ELAVL2: variants seen among roughly 807,000 people sequenced by gnomAD.
The protein encoded by ELAVL2 is ELAV-like protein 2.
A neutral mutation model predicts 34.6 loss-of-function variants in ELAVL2; 4 were observed. That is an observed-to-expected ratio of 0.12 (90% confidence interval 0.06 to 0.26). The LOEUF is 0.26. Ranked by LOEUF, ELAVL2 falls within the 10% of genes least tolerant of loss-of-function variation. The pLI, the probability that ELAVL2 is intolerant of heterozygous loss-of-function variation, is 1.00. For missense variants in ELAVL2, 432 were observed against 442.8 expected (o/e 0.98, Z 0.22); for synonymous variants, 193 against 154.8 (o/e 1.25, Z -1.83).
intron 1 of ELAVL2, among the ~76,000 whole-genome samples, chr9:23,803,321 G>C (rs1465753059): frequency 6.6e-6 from 1 of 152,164 alleles, no homozygotes; most frequent in African/African-American, 2.4e-5. Context: ...GCTTTATAAA[G>C]CATAACAAGC....
intron 2 of ELAVL2, among the ~76,000 whole-genome samples, chr9:23,743,945 T>A (rs2135314045): frequency 6.6e-6 from 1 of 152,342 alleles, no homozygotes; most frequent in East Asian, 1.9e-4. Context: ...AAGTAACTTC[T>A]ATACACAGAG....
rs574488499 is a variant in ELAVL2 at position 23,759,327 on chromosome 9, C to A, written c.229+2679G>T. On this transcript the variant is annotated intron_variant, in intron 2 of 6. Coordinates refer to ENST00000397312, the MANE Select transcript of ELAVL2 (RefSeq NM_004432.5). ...TGAGGTGAGACAGCCAAATACCACA[C>A]GATCTCATAGGTAGAATCGAAAAAT... is the stretch of plus-strand genomic sequence containing the variant. 2.6e-5 allele frequency among the ~76,000 whole-genome samples: 4 copies of A among 151,942 alleles called. No individual in the cohort carries two copies. In the South Asian group the frequency reaches 6.2e-4, roughly 24 times the overall value.
intron 2 of ELAVL2, among the ~76,000 whole-genome samples, chr9:23,750,550 T>G (rs2051692481): frequency 6.6e-6 from 1 of 151,998 alleles, no homozygotes; most frequent in South Asian, 2.1e-4. Flanking sequence ...AATGGCAAAA[T>G]CACTTGGCAC....
intron 5 of ELAVL2, among the ~76,000 whole-genome samples, chr9:23,694,014 G>C (rs938713816): frequency 6.6e-6 from 1 of 152,040 alleles, no homozygotes; most frequent in African/African-American, 2.4e-5. Flanking sequence ...TCATCTTTTA[G>C]AATCAAGGAG....
At chr9:23,783,481 C>T (rs1005539710) in intron 1 of ELAVL2, 30 of 985,244 alleles carry the variant, frequency 3.0e-5, no homozygotes, top group Admixed American at 6.2e-5. Context: ...CTGAAAACAA[C>T]GAGGTTCATT....
At chr9:23,843,696 C>T in the ELAVL2 span, among the ~76,000 whole-genome samples, 16 of 152,152 alleles carry the variant, frequency 1.1e-4, no homozygotes, top group African/African-American at 3.9e-4. Context: ...GCCCAGATCA[C>T]AGGCAATCTC....
chr9:23,771,589 A>C (rs1275657987), intron 1 of ELAVL2, among the ~76,000 whole-genome samples: 1 of 152,152 alleles, frequency 6.6e-6, no homozygotes, highest in Non-Finnish European at 1.5e-5. Context: ...CAACTGATTC[A>C]TTTAGGAGCA....
chr9:23,738,923 T>G (rs2048503553), intron 2 of ELAVL2, among the ~76,000 whole-genome samples: 1 of 152,116 alleles, frequency 6.6e-6, no homozygotes, highest in African/African-American at 2.4e-5. Flanking sequence ...TCCCAGTAAT[T>G]ATGAATCTGC....
intron 1 of ELAVL2, among the ~76,000 whole-genome samples, chr9:23,788,966 G>A (rs937064203): frequency 1.1e-4 from 16 of 152,130 alleles, no homozygotes; most frequent in African/African-American, 3.1e-4. Context: ...TGCAGGTAAC[G>A]GAAATCATGG....
At chr9:23,814,343 T>C (rs576510554) in intron 1 of ELAVL2, among the ~76,000 whole-genome samples, 3 of 151,934 alleles carry the variant, frequency 2.0e-5, no homozygotes, top group East Asian at 1.9e-4. Flanking sequence ...AGTGAGCAGG[T>C]TGCACCTGAC....
intron 2 of ELAVL2, among the ~76,000 whole-genome samples, chr9:23,756,928 C>T (rs1410609863): frequency 6.6e-6 from 1 of 152,092 alleles, no homozygotes; most frequent in East Asian, 1.9e-4. Context: ...ATTTCTAGCA[C>T]TCATTACAAG....
At chr9:23,777,203 C>G (rs559552552) in intron 1 of ELAVL2, among the ~76,000 whole-genome samples, 2 of 152,288 alleles carry the variant, frequency 1.3e-5, no homozygotes, top group African/African-American at 2.4e-5. Flanking sequence ...TCTTTCAGAT[C>G]GAGCTAAAAA....
At chr9:23,702,975 A>AAAAAAAAAAAAAAAC (rs1563957664) in intron 4 of ELAVL2, among the ~76,000 whole-genome samples, 1 of 140,312 alleles carries the variant, frequency 7.1e-6, no homozygotes, top group Non-Finnish European at 1.6e-5. Flanking sequence ...AAAAAAAAAA[A>AAAAAAAAAAAAAAAC]AAAAAACAGC....
chr9:23,741,163 CA>C (rs1415092104), intron 2 of ELAVL2, among the ~76,000 whole-genome samples: 1 of 152,030 alleles, frequency 6.6e-6, no homozygotes, highest in Non-Finnish European at 1.5e-5. Context: ...TGTTTCCTGA[CA>C]AACAAATTAA....
the ELAVL2 span, among the ~76,000 whole-genome samples, chr9:23,848,942 G>A: frequency 6.6e-6 from 1 of 152,134 alleles, no homozygotes. Flanking sequence ...AACAGCCCTG[G>A]ATAAGCTAAA....
intron 3 of ELAVL2, among the ~76,000 whole-genome samples, chr9:23,708,695 T>C (rs2040088115): frequency 6.6e-6 from 1 of 152,196 alleles, no homozygotes; most frequent in Admixed American, 6.5e-5. Flanking sequence ...CAGGCTGGAG[T>C]GCAGTGGGTG....
intron 1 of ELAVL2, among the ~76,000 whole-genome samples, chr9:23,795,934 G>A (rs778843596): frequency 1.3e-5 from 2 of 152,062 alleles, no homozygotes; most frequent in Admixed American, 6.5e-5. Context: ...CTTACAAACC[G>A]GGGGAAAAAT....
chr9:23,800,071 T>C (rs1226193959), intron 1 of ELAVL2, among the ~76,000 whole-genome samples: 1 of 152,164 alleles, frequency 6.6e-6, no homozygotes, highest in Non-Finnish European at 1.5e-5. Context: ...TCTCCTAAAA[T>C]AACCTCATTA....
intron 3 of ELAVL2, among the ~76,000 whole-genome samples, chr9:23,707,546 C>T (rs908287592): frequency 6.6e-5 from 10 of 152,094 alleles, no homozygotes; most frequent in African/African-American, 2.4e-4. Context: ...GATCAAGCAA[C>T]CAGCAGCAGG....
Sources: allele counts gnomAD v4.1 joint callset (sites outside exome capture counted in the v4.1 genomes callset), GRCh38; gene constraint gnomAD v4.1.1; transcripts MANE v1.5; gene names NCBI Gene and HGNC (gene_info 2026-07-23, HGNC 2026-07-21).